Variants in CCDC15 observed in about 807,000 individuals in gnomAD.
The protein encoded by CCDC15 is coiled-coil domain-containing protein 15.
CCDC15 carries 105 observed loss-of-function variants against 114.5 expected under a neutral mutation model. The ratio of observed to expected loss-of-function variants is 0.92; its 90% CI spans 0.78 to 1.08. The LOEUF is 1.08. Among genes scored for constraint, CCDC15 ranks in the 50% least tolerant of loss-of-function variants. CCDC15 has a pLI of 0.00. For synonymous variants in CCDC15, 334 were observed against 377.8 expected (o/e 0.88, Z 1.34); for missense variants, 1,105 against 1,093.6 (o/e 1.01, Z -0.15).
intron 13 of CCDC15, among the ~76,000 whole-genome samples, chr11:125,015,570 G>T (rs1948623634): frequency 6.6e-6 from 1 of 152,082 alleles, no homozygotes. Context: ...ATCACTGAAA[G>T]AAATAAAACC....
chr11:125,005,788 T>G (rs2135518439), intron 13 of CCDC15, among the ~76,000 whole-genome samples: 1 of 152,302 alleles, frequency 6.6e-6, no homozygotes, highest in Admixed American at 6.5e-5. Flanking sequence ...TTCCAGAACG[T>G]CATATAGTTG....
intron 13 of CCDC15, among the ~76,000 whole-genome samples, chr11:125,020,587 C>A (rs1028356259): frequency 1.3e-5 from 2 of 151,948 alleles, no homozygotes; most frequent in Non-Finnish European, 2.9e-5. Context: ...ATATTCTTAA[C>A]CTCTCTTTTA....
At chr11:125,003,454 T>C (rs1369035547) in intron 11 of CCDC15, among the ~76,000 whole-genome samples, 1 of 151,994 alleles carries the variant, frequency 6.6e-6, no homozygotes, top group Non-Finnish European at 1.5e-5. Flanking sequence ...ATATTTTCTC[T>C]GGACTCATGC....
intron 13 of CCDC15, among the ~76,000 whole-genome samples, chr11:125,024,503 T>C (rs1948682287): frequency 6.6e-6 from 1 of 152,112 alleles, no homozygotes. Context: ...TGTTATAGTT[T>C]TCAGTGCATG....
rs183004066 is a variant in CCDC15 at position 125,038,209 on chromosome 11, C to T, written c.2412-222C>T. The T allele has an allele frequency of 1.6e-3, 495 of 317,222 alleles. 1 individual carries two copies. The highest frequency in any genetic ancestry group is 6.1e-3 in the Middle Eastern group (7 of 1,150). The allele number at this position is 317,222 out of a possible 1,614,324, so 19.7% of individuals were successfully genotyped here. A position where few individuals can be genotyped will look rare whatever the true frequency, so the allele number is the denominator to read the frequency against. ...TGCTGGGATTACAGGCATGAGCCAC[C>T]GCACCTAGCCAGGAAGAACTCTTTT... is the stretch of plus-strand genomic sequence containing the variant. On this transcript the variant is annotated intron_variant, in intron 13 of 15. Coordinates refer to ENST00000344762, the MANE Select transcript of CCDC15 (RefSeq NM_025004.3).
At chr11:125,019,556 A>G (rs896019747) in intron 13 of CCDC15, among the ~76,000 whole-genome samples, 46 of 151,988 alleles carry the variant, frequency 3.0e-4, no homozygotes, top group African/African-American at 1.1e-3. Flanking sequence ...AGTTTATAAC[A>G]TGGCCTGCCA....
chr11:124,986,995 G>T, intron 7 of CCDC15, 107 bp downstream of exon 7: 5 of 1,385,344 alleles, frequency 3.6e-6, no homozygotes, highest in Non-Finnish European at 3.8e-6. Context: ...GTTGGACAAA[G>T]ATTATAATTT....
intron 15 of CCDC15, among the ~76,000 whole-genome samples, chr11:125,039,870 C>T (rs1260601048): frequency 6.6e-6 from 1 of 152,148 alleles, no homozygotes; most frequent in Non-Finnish European, 1.5e-5. Context: ...ATTGTTTACT[C>T]CTTTTGCACC....
At chr11:124,992,344 T>C (rs1591595876) in intron 9 of CCDC15, among the ~76,000 whole-genome samples, 2 of 152,224 alleles carry the variant, frequency 1.3e-5, no homozygotes, top group African/African-American at 4.8e-5. Flanking sequence ...ATGTAGGAAC[T>C]AGAAGATACT....
intron 13 of CCDC15, among the ~76,000 whole-genome samples, chr11:125,034,871 T>G (rs1948765524): frequency 6.6e-6 from 1 of 152,106 alleles, no homozygotes; most frequent in Non-Finnish European, 1.5e-5. Context: ...TCTGTATTAC[T>G]CAGGATTCTC....
At chr11:125,008,627 T>C (rs1948567618) in intron 13 of CCDC15, among the ~76,000 whole-genome samples, 1 of 152,204 alleles carries the variant, frequency 6.6e-6, no homozygotes, top group Non-Finnish European at 1.5e-5. Flanking sequence ...TCAAGTATGA[T>C]GTTAGCTGTA....
chr11:125,037,863 G>C (rs1021259964), intron 13 of CCDC15, among the ~76,000 whole-genome samples: 5 of 151,270 alleles, frequency 3.3e-5, no homozygotes, highest in African/African-American at 1.2e-4. Flanking sequence ...CAGAATCCCT[G>C]TTTACTTGTA....
chr11:125,040,034 GTTTGTTTTTTTGTT>G (rs1246825763), intron 15 of CCDC15, among the ~76,000 whole-genome samples: 2 of 149,592 alleles, frequency 1.3e-5, no homozygotes, highest in African/African-American at 2.5e-5. Flanking sequence ...TGTTGTTGTT[GTTTGTTTTTTTGTT>G]TTTGTTTTTT....
At position 125,005,169 on chromosome 11, in the gene CCDC15, A is replaced by G. The variant is rs111334534; in HGVS notation, c.2368A>G (p.Lys790Glu). The change falls in exon 13 of 16, where the codon AAA becomes GAA. Residue 790 changes from lysine to glutamate, a missense_variant. Physicochemically the swap from Lys to Glu is moderately conservative, Grantham distance 56. Coordinates refer to ENST00000344762, the MANE Select transcript of CCDC15 (RefSeq NM_025004.3). ...CATGGATATTGAGAGAGAACAAGTTAAAGAACAACAAAGGCAAAAAGAACA... is the reference window on the plus strand; with the variant it reads ...CATGGATATTGAGAGAGAACAAGTTGAAGAACAACAAAGGCAAAAAGAACA... ...LFMDIEREQV[K>E]EQQRQKEQKK... 150 of 1,572,764 alleles carry G rather than the reference A, an allele frequency of 9.5e-5. 3 individuals are homozygous for G. In the African/African-American group the frequency reaches 1.2e-3, roughly 12 times the overall value.
chr11:124,995,203 G>A (rs962792753), intron 11 of CCDC15, among the ~76,000 whole-genome samples: 1 of 151,840 alleles, frequency 6.6e-6, no homozygotes, highest in Non-Finnish European at 1.5e-5. Flanking sequence ...TCATAAAGTC[G>A]GTCCCTTCTT....
intron 4 of CCDC15, among the ~76,000 whole-genome samples, chr11:124,972,117 T>C (rs1947894819): frequency 1.3e-5 from 2 of 152,170 alleles, no homozygotes; most frequent in Non-Finnish European, 2.9e-5. Context: ...GTTATATTGA[T>C]TTTTCATTTG....
intron 6 of CCDC15, among the ~76,000 whole-genome samples, chr11:124,981,340 C>T (rs1948069575): frequency 6.6e-6 from 1 of 152,006 alleles, no homozygotes; most frequent in African/African-American, 2.4e-5. Flanking sequence ...CAGTTTTCTG[C>T]CTTATGATCT....
intron 14 of CCDC15, 30 bp from the exon 15 acceptor site, chr11:125,038,891 A>C (rs1404374267): frequency 5.7e-6 from 9 of 1,591,716 alleles, no homozygotes; most frequent in Non-Finnish European, 7.7e-6. Context: ...TTAATAGTTC[A>C]CTTTGCCTGA....
At chr11:124,954,689 T>C (rs775132579) in intron 1 of CCDC15, 35 bp from the exon 2 acceptor site, 1 of 1,597,210 alleles carries the variant, frequency 6.3e-7, no homozygotes, top group Non-Finnish European at 8.6e-7. Context: ...ATGCAGTCAT[T>C]TGAAGATTTT....
Sources: gnomAD v4.1 joint callset for allele counts (sites outside exome capture counted in the v4.1 genomes callset) on GRCh38, gnomAD v4.1.1 for gene constraint, MANE v1.5 for transcripts, NCBI Gene and HGNC (gene_info 2026-07-23, HGNC 2026-07-21) for gene names.